Variants in SFI1 observed in about 807,000 individuals in gnomAD.
The protein encoded by SFI1 is SFI1 centrin binding protein, also known as protein SFI1 homolog.
SFI1 carries 195 observed loss-of-function variants against 207.5 expected under a neutral mutation model. That is an observed-to-expected ratio of 0.94 (90% CI 0.84 to 1.06). The LOEUF (loss-of-function observed/expected upper bound fraction) is 1.06, where lower values mean the gene tolerates loss of function less well. Ranked by LOEUF, SFI1 falls within the 50% of genes least tolerant of loss-of-function variation. The pLI is 0.00. For synonymous variants in SFI1, 630 were observed against 598.9 expected, an observed-to-expected ratio of 1.05 and a Z score of -0.76; for missense variants, 1,634 against 1,588.0, an observed-to-expected ratio of 1.03 and a Z score of -0.49.
intron 24 of SFI1, chr22:31,612,706 T>A (rs1363358367): frequency 1.2e-5 from 2 of 166,742 alleles, no homozygotes; most frequent in African/African-American, 4.8e-5. Flanking sequence ...TGGATGAGAG[T>A]GAGATTCCAT....
chr22:31,603,915 C>A, intron 18 of SFI1, 96 bp downstream of exon 18: 1 of 1,133,374 alleles, frequency 8.8e-7, no homozygotes, highest in Non-Finnish European at 1.3e-6. Flanking sequence ...GCCACACCAC[C>A]TACCTCTGAG....
At chr22:31,612,101 G>T (rs1182948639) in intron 24 of SFI1, 2 of 1,144,816 alleles carry the variant, frequency 1.7e-6, no homozygotes, top group Non-Finnish European at 2.2e-6. Context: ...AGTGGAGGCC[G>T]GGCGCAGTGG....
In SFI1 at chr22:31,606,023, C is replaced by T. The variant is rs1389713131; in HGVS notation, c.2055-305C>T. On this transcript the variant is annotated intron_variant, in intron 20 of 32. Coordinates refer to ENST00000400288, the MANE Select transcript of SFI1 (RefSeq NM_001007467.3). ...CCCTGTCTCTCCACACTTCTCTTAT[C>T]ACAGTGTGAGTCACCTGTGTTGCCA... 3.5e-5 allele frequency: 12 copies of T among 343,584 alleles called. No individual in the cohort carries two copies. In the South Asian group the frequency reaches 4.7e-4, roughly 14 times the overall value. 21.3% of individuals were successfully genotyped at this position (343,584 alleles called of 1,614,324 possible). A position where few individuals can be genotyped will look rare whatever the true frequency, so the allele number is the denominator to read the frequency against.
chr22:31,579,702 T>G (rs1216701272), intron 11 of SFI1, among the ~76,000 whole-genome samples: 1 of 152,184 alleles, frequency 6.6e-6, no homozygotes, highest in African/African-American at 2.4e-5. Flanking sequence ...TCCTCCTGCC[T>G]CAGCATCCTA....
chr22:31,498,013 G>A (rs995270151), intron 1 of SFI1, among the ~76,000 whole-genome samples: 1 of 152,200 alleles, frequency 6.6e-6, no homozygotes, highest in Non-Finnish European at 1.5e-5. Context: ...ACATTTTGTG[G>A]GCTGGGCATG....
intron 4 of SFI1, among the ~76,000 whole-genome samples, chr22:31,542,939 C>T (rs532689990): frequency 4.2e-5 from 6 of 143,918 alleles, no homozygotes; most frequent in Non-Finnish European, 9.1e-5. Context: ...TGGGATTACA[C>T]GTGTGAGCCA....
rs1384823657 is a variant in SFI1, at chr22:31,509,495, A to G, written c.92+1119A>G. ...AACATCCAGCATGGGAGAAAGATGC[A>G]GGCTAGAAGACTTAGCTAGTCAGCT... On this transcript the variant is annotated intron_variant, in intron 2 of 32. Coordinates refer to ENST00000400288, the MANE Select transcript of SFI1 (RefSeq NM_001007467.3). Among the ~76,000 whole-genome samples the G allele has an allele frequency of 2.6e-5, 4 of 152,348 alleles. No individual in the cohort carries two copies. The East Asian group carries it at 7.7e-4, about 29-fold the overall frequency.
intron 8 of SFI1, among the ~76,000 whole-genome samples, chr22:31,567,106 C>T (rs763760926): frequency 2.4e-4 from 36 of 152,032 alleles, no homozygotes; most frequent in Non-Finnish European, 4.0e-4. Context: ...GGGGTTTCAC[C>T]GTGTTAGCCA....
chr22:31,509,610 C>T (rs1033893991), intron 2 of SFI1, among the ~76,000 whole-genome samples: 2 of 152,154 alleles, frequency 1.3e-5, no homozygotes, highest in African/African-American at 4.8e-5. Flanking sequence ...CTCTCCTAGT[C>T]CACTGACTCA....
chr22:31,566,393 C>G (rs1327779130), intron 8 of SFI1, among the ~76,000 whole-genome samples: 1 of 152,084 alleles, frequency 6.6e-6, no homozygotes, highest in Non-Finnish European at 1.5e-5. Flanking sequence ...ATGCCCGGCC[C>G]CCAGTTTCTT....
In SFI1 at chr22:31,585,048, T is replaced by A. The variant is rs1364092935; in HGVS notation, c.1347-20T>A. 2 of 1,610,152 alleles carry A rather than the reference T, an allele frequency of 1.2e-6. No individual in the cohort carries two copies. Among genetic ancestry groups the A allele is most frequent in the South Asian group, 1.1e-5 (1 of 90,320 alleles). On this transcript the variant is annotated intron_variant, in intron 13 of 32. Transcript: ENST00000400288. The stretch of plus-strand genomic sequence containing the variant: ...GTTTTAAAAACTTGAAACCTGAAGG[T>A]GTTCTTCCTTTTGTTTCAGAATAGC...
At chr22:31,601,800 T>G (rs904479663) in intron 15 of SFI1, among the ~76,000 whole-genome samples, 3 of 152,080 alleles carry the variant, frequency 2.0e-5, no homozygotes, top group African/African-American at 7.2e-5. Flanking sequence ...TCACCTCTTT[T>G]ATTTTTTTCA....
intron 21 of SFI1, chr22:31,607,697 A>G (rs1281288684): frequency 9.7e-6 from 3 of 309,588 alleles, no homozygotes; most frequent in Non-Finnish European, 1.8e-5. Context: ...GCATGGTATG[A>G]TATGTAAATC....
intron 6 of SFI1, among the ~76,000 whole-genome samples, chr22:31,552,998 C>T (rs1446761412): frequency 1.3e-5 from 2 of 152,006 alleles, no homozygotes; most frequent in African/African-American, 4.8e-5. Context: ...CATGTGCTAC[C>T]ACACCTGGCT....
intron 15 of SFI1, among the ~76,000 whole-genome samples, chr22:31,595,157 C>T (rs62237813): frequency 0.046 from 6,996 of 152,026 alleles, 140 homozygotes; most frequent in African/African-American, 0.055. Context: ...CCACCACGCC[C>T]GGCTAATTTT....
chr22:31,557,154 C>A, intron 7 of SFI1, 95 bp downstream of exon 7: 1 of 731,274 alleles, frequency 1.4e-6, no homozygotes, highest in Non-Finnish European at 2.2e-6. Flanking sequence ...CACCTTAAAA[C>A]AATGGTTTGT....
intron 14 of SFI1, among the ~76,000 whole-genome samples, chr22:31,589,048 T>C (rs529077658): frequency 2.6e-5 from 4 of 152,202 alleles, no homozygotes; most frequent in African/African-American, 9.6e-5. Flanking sequence ...TGGGGAAATA[T>C]TTAAGATTTA....
At chr22:31,550,103 A>G (rs973569637) in intron 5 of SFI1, 151 bp from the exon 6 acceptor site, 8 of 548,892 alleles carry the variant, frequency 1.5e-5, no homozygotes, top group Non-Finnish European at 2.0e-5. Flanking sequence ...GGCACACGGT[A>G]TTTTTAGTTG....
At chr22:31,592,924 A>C (rs1165552562) in intron 15 of SFI1, among the ~76,000 whole-genome samples, 2 of 85,824 alleles carry the variant, frequency 2.3e-5, no homozygotes, top group South Asian at 4.3e-4. Flanking sequence ...ACTTCCCAGT[A>C]GGGGCGGCCG....
Sources: allele counts gnomAD v4.1 joint callset (sites outside exome capture counted in the v4.1 genomes callset), GRCh38; gene constraint gnomAD v4.1.1; transcripts MANE v1.5; gene names NCBI Gene and HGNC (gene_info 2026-07-23, HGNC 2026-07-21).